The following KLHL36 variants were observed in gnomAD, a reference collection of about 807,000 sequenced individuals.
KLHL36 encodes the protein kelch like family member 36, also known as kelch-like protein 36.
A neutral mutation model predicts 53.3 loss-of-function variants in KLHL36; 35 were observed. That is an observed-to-expected ratio of 0.66 (90% confidence interval 0.50 to 0.87). The LOEUF (loss-of-function observed/expected upper bound fraction) is 0.87. Ranked by LOEUF, KLHL36 falls within the 40% of genes least tolerant of loss-of-function variation. KLHL36 has a pLI of 0.00. For missense variants in KLHL36, 864 were observed against 897.6 expected (o/e 0.96, Z 0.48); for synonymous variants, 472 against 398.9 (o/e 1.18, Z -2.18).
Position 84,657,448 on chromosome 16 carries a change from C to G in KLHL36, c.641C>G (p.Ala214Gly). 6.2e-7 allele frequency: 1 copy of G among 1,606,422 alleles called. No individual in the cohort carries two copies. Among genetic ancestry groups the G allele is most frequent in the Non-Finnish European group, 8.5e-7 (1 of 1,179,934 alleles). The change falls in exon 3 of 5, where the codon GCC becomes GGC. Residue 214 changes from alanine to glycine, a missense_variant. By Grantham distance (60) the Ala-to-Gly change is moderately conservative. Coordinates refer to ENST00000564996, the MANE Select transcript of KLHL36 (RefSeq NM_024731.4). ...TGTGAGCACGACCTCCTGCAGGCCG[C>G]CCTGCAGTGGCTGACGCAGCAGCCC... is the stretch of plus-strand genomic sequence containing the variant. ...RECEHDLLQA[A>G]LQWLTQQPER...
intron 3 of KLHL36, chr16:84,658,939 G>T (rs1246123552): frequency 6.6e-6 from 1 of 152,110 alleles, no homozygotes; most frequent in African/African-American, 2.4e-5. Flanking sequence ...CCTGGCAGCA[G>T]TGGCAGCAGT....
At chr16:84,651,031 G>A in intron 2 of KLHL36, 101 bp downstream of exon 2, 1 of 946,956 alleles carries the variant, frequency 1.1e-6, no homozygotes, top group Non-Finnish European at 1.6e-6. Flanking sequence ...TTTTGTCATT[G>A]GTGTTGTCAG....
chr16:84,656,515 C>G (rs1907205920), intron 2 of KLHL36, among the ~76,000 whole-genome samples: 1 of 151,420 alleles, frequency 6.6e-6, no homozygotes, highest in African/African-American at 2.4e-5. Flanking sequence ...GGCTGTCGTC[C>G]CAGCTACTCA....
Position 84,663,291 on chromosome 16 carries a change from C to A in KLHL36, c.*1158C>A, listed in dbSNP as rs920275583. The A allele has an allele frequency of 1.3e-5, 2 of 152,402 alleles. No homozygotes were observed. Among genetic ancestry groups the A allele is most frequent in the Middle Eastern group, 3.4e-3 (1 of 294 alleles). 9.4% of individuals were successfully genotyped at this position (152,402 alleles called of 1,614,324 possible). A position where few individuals can be genotyped will look rare whatever the true frequency, so the allele number is the denominator to read the frequency against. ...TAGATGGAATACCCTCCAGGCTCCTCCCGGGTGATAGGGCCATTCAGCCTC... is the reference window on the plus strand; with the variant it reads ...TAGATGGAATACCCTCCAGGCTCCTACCGGGTGATAGGGCCATTCAGCCTC... On this transcript the variant is annotated 3_prime_UTR_variant, in exon 5 of 5. Transcript: ENST00000564996.
rs1244402949 is a variant in KLHL36 at position 84,665,702 on chromosome 16, A to T, written c.*3569A>T. 1 of 152,258 alleles carries T rather than the reference A, an allele frequency of 6.6e-6. No individual in the cohort carries two copies. Among genetic ancestry groups the T allele is most frequent in the African/African-American group, 2.4e-5 (1 of 41,436 alleles). 9.4% of individuals were successfully genotyped at this position (152,258 alleles called of 1,614,324 possible). On this transcript the variant is annotated 3_prime_UTR_variant, in exon 5 of 5. Transcript: ENST00000564996. ...GTTCACCTTTGAGGTGGGCATCCAG[A>T]TGCTGAGGGGAAGTGGGGTCCATCC...
intron 3 of KLHL36, chr16:84,659,209 C>A (rs892243001): frequency 6.6e-6 from 1 of 152,286 alleles, no homozygotes; most frequent in African/African-American, 2.4e-5. Flanking sequence ...ACCATGTTGG[C>A]CAGGCTGGTC....
rs1477432752 is a variant in KLHL36 at position 84,661,489 on chromosome 16, C to CT, written c.1296-88dup. 2 of 1,347,572 alleles carry CT rather than the reference C, an allele frequency of 1.5e-6. No individual in the cohort carries two copies. Among genetic ancestry groups the CT allele is most frequent in the Admixed American group, 4.4e-5 (2 of 45,428 alleles). 83.5% of individuals were successfully genotyped at this position (1,347,572 alleles called of 1,614,324 possible). A position where few individuals can be genotyped will look rare whatever the true frequency, so the allele number is the denominator to read the frequency against. ...TATATTCTTAAATCCTCATGGCCCT[C>CT]TAAGACGGCAGGCTGTTCCCCGGCT... is the stretch of plus-strand genomic sequence containing the variant. On this transcript the variant is annotated intron_variant, in intron 4 of 4. Transcript: ENST00000564996. This position sits in a 1 kb window ranked among gnomAD's most constrained non-coding sequence, Gnocchi z 7.9.
Position 84,657,212 on chromosome 16 carries a change from C to T in KLHL36, c.405C>T (p.Cys135=), listed in dbSNP as rs1228249807. Reference sequence around the variant, plus strand: ...AGATCTGGACGGTGGTAGACTTCTGCTGTGAGTACCTGGAGCAGGAGGTGA... The same window carrying T: ...AGATCTGGACGGTGGTAGACTTCTGTTGTGAGTACCTGGAGCAGGAGGTGA... ...LLQIWTVVDF[C]CEYLEQEVSE... is the part of the protein sequence containing the mutation. The change falls in exon 3 of 5, where the codon TGC becomes TGT. Residue 135 remains cysteine (C), a synonymous_variant. Coordinates refer to ENST00000564996, the MANE Select transcript of KLHL36 (RefSeq NM_024731.4). 1.9e-6 allele frequency: 3 copies of T among 1,614,064 alleles called. No homozygotes were observed. Among genetic ancestry groups the T allele is most frequent in the Non-Finnish European group, 1.7e-6 (2 of 1,180,032 alleles).
chr16:84,654,516 G>C (rs1393788033), intron 2 of KLHL36, among the ~76,000 whole-genome samples: 1 of 152,248 alleles, frequency 6.6e-6, no homozygotes, highest in African/African-American at 2.4e-5. Flanking sequence ...GCTGGATATG[G>C]TGGCACACAC....
In KLHL36 at chr16:84,659,807, C is replaced by G; in HGVS notation, c.1185C>G (p.Ile395Met). The change falls in exon 4 of 5, where the codon ATC becomes ATG. Residue 395 changes from isoleucine to methionine, a missense_variant. Ile to Met is a conservative substitution (Grantham distance 10). Transcript: ENST00000564996. The part of the protein sequence containing the change: ...QRRVDFYLAS[I>M]EDMLVAIGGR... ...GTGTGGATTTCTACCTTGCCTCCAT[C>G]GAAGACATGCTGGTGGCCATCGGCG... The G allele has an allele frequency of 1.2e-6, 2 of 1,614,152 alleles. No individual in the cohort carries two copies. Among genetic ancestry groups the G allele is most frequent in the Non-Finnish European group, 8.5e-7 (1 of 1,180,034 alleles).
rs12102528 is a variant in KLHL36 at position 84,657,650 on chromosome 16, C to T, written c.843C>T (p.Pro281=). 2.5e-3 allele frequency: 3,997 copies of T among 1,612,174 alleles called. 87 individuals are homozygous for T. The African/African-American group carries it at 0.048, about 19-fold the overall frequency. Residue 281 remains proline (P), a synonymous_variant, in exon 3 of 5, where the codon CCC becomes CCT. Transcript: ENST00000564996. The stretch of plus-strand genomic sequence containing the variant: ...ACCACAACAACCTGGCGGCCCAGCC[C>T]GTCATGCAGACCAAGCGCACGGCGC... ...VRYHNNLAAQ[P]VMQTKRTALR...
intron 3 of KLHL36, chr16:84,658,282 A>T: frequency 4.5e-6 from 1 of 220,056 alleles, no homozygotes; most frequent in Non-Finnish European, 8.8e-6. Context: ...CGACTGAAGA[A>T]GTCAATTTTC....
At position 84,657,332 on chromosome 16, in the gene KLHL36, C is replaced by T. The variant is rs200139146; in HGVS notation, c.525C>T (p.Phe175=). The part of the protein sequence containing the change: ...AFIDGFILNH[F]GTLSFTPDFL... ...TCGATGGCTTCATCCTGAACCACTT[C>T]GGCACGCTGTCCTTTACGCCCGACT... The change falls in exon 3 of 5, where the codon TTC becomes TTT. Residue 175 remains phenylalanine, a synonymous_variant. Coordinates refer to ENST00000564996, the MANE Select transcript of KLHL36 (RefSeq NM_024731.4). The T allele has an allele frequency of 1.5e-5, 25 of 1,613,296 alleles. 1 individual carries two copies. The highest frequency in any genetic ancestry group is 1.4e-4 in the South Asian group (13 of 91,090).
chr16:84,664,680 A>T lies in KLHL36; in HGVS notation c.*2547A>T, dbSNP rs180871071. ...TATTTGATGGTGGCTACACTGTGAC[A>T]AGAAAGGTTTTTGAGCTTGTTGGGG... is the stretch of plus-strand genomic sequence containing the variant. On this transcript the variant is annotated 3_prime_UTR_variant, in exon 5 of 5. Coordinates refer to ENST00000564996, the MANE Select transcript of KLHL36 (RefSeq NM_024731.4). 50 of 152,344 alleles carry T rather than the reference A, an allele frequency of 3.3e-4. No homozygotes were observed. Among genetic ancestry groups the T allele is most frequent in the African/African-American group, 1.2e-3 (49 of 41,572 alleles). 9.4% of individuals were successfully genotyped at this position (152,344 alleles called of 1,614,324 possible).
intron 2 of KLHL36, among the ~76,000 whole-genome samples, chr16:84,654,036 G>A (rs1014427460): frequency 9.2e-5 from 14 of 152,164 alleles, no homozygotes; most frequent in Non-Finnish European, 1.6e-4. Flanking sequence ...TGGAGCTGGT[G>A]TCTCCCCTCG....
intron 1 of KLHL36, among the ~76,000 whole-genome samples, chr16:84,649,670 C>T (rs972940493): frequency 1.3e-5 from 2 of 152,210 alleles, no homozygotes; most frequent in Non-Finnish European, 2.9e-5. Flanking sequence ...CCTTCTCTCC[C>T]TAGGGGAGTT....
intron 2 of KLHL36, among the ~76,000 whole-genome samples, chr16:84,654,242 G>A (rs1239382718): frequency 6.6e-6 from 1 of 152,240 alleles, no homozygotes; most frequent in Non-Finnish European, 1.5e-5. Flanking sequence ...CGCTAAGCCT[G>A]TACTATGACT....
In KLHL36 at chr16:84,661,473, A is replaced by T; in HGVS notation, c.1296-105A>T. 1 of 1,161,604 alleles carries T rather than the reference A, an allele frequency of 8.6e-7. No individual in the cohort carries two copies. The highest frequency in any genetic ancestry group is 1.2e-6 in the Non-Finnish European group (1 of 822,132). The allele number at this position is 1,161,604 out of a possible 1,614,324, so 72.0% of individuals were successfully genotyped here. A position where few individuals can be genotyped will look rare whatever the true frequency, so the allele number is the denominator to read the frequency against. On this transcript the variant is annotated intron_variant, in intron 4 of 4. Coordinates refer to ENST00000564996, the MANE Select transcript of KLHL36 (RefSeq NM_024731.4). The surrounding 1 kb of genome is among the most constrained non-coding windows in gnomAD (Gnocchi z 7.9). ...TGGGGTGCCCACTCCCTATATTCTTAAATCCTCATGGCCCTCTAAGACGGC... is the reference window on the plus strand; with the variant it reads ...TGGGGTGCCCACTCCCTATATTCTTTAATCCTCATGGCCCTCTAAGACGGC...
Position 84,662,242 on chromosome 16 carries a change from T to TATGA in KLHL36, c.*109_*110insATGA. The TATGA allele has an allele frequency of 2.0e-6, 2 of 999,878 alleles. No individual in the cohort carries two copies. Among genetic ancestry groups the TATGA allele is most frequent in the African/African-American group, 3.3e-5 (2 of 61,450 alleles). 61.9% of individuals were successfully genotyped at this position (999,878 alleles called of 1,614,324 possible). A position where few individuals can be genotyped will look rare whatever the true frequency, so the allele number is the denominator to read the frequency against. On this transcript the variant is annotated 3_prime_UTR_variant, in exon 5 of 5. Coordinates refer to ENST00000564996, the MANE Select transcript of KLHL36 (RefSeq NM_024731.4). ...ACATTATGTACAACTTAGCAGCTTTTTTTACTTTTATGATTCTTGGTATTT... is the reference window on the plus strand; with the variant it reads ...ACATTATGTACAACTTAGCAGCTTTTATGATTTACTTTTATGATTCTTGGTATTT...
Sources: gnomAD v4.1 joint callset for allele counts (sites outside exome capture counted in the v4.1 genomes callset) on GRCh38, gnomAD v4.1.1 for gene constraint, Gnocchi (gnomAD v3.1) non-coding constraint, MANE v1.5 for transcripts, NCBI Gene and HGNC (gene_info 2026-07-23, HGNC 2026-07-21) for gene names.